HDAC7: variants seen among roughly 807,000 people sequenced by gnomAD.
The protein encoded by HDAC7 is histone deacetylase 7A.
Under a neutral mutation model 115.5 loss-of-function variants are expected in HDAC7, and 26 were observed. The observed-to-expected ratio is 0.23, with a 90% confidence interval of 0.16 to 0.31. The LOEUF is 0.31. Ranked by LOEUF, HDAC7 falls within the 10% of genes least tolerant of loss-of-function variation. HDAC7 has a pLI of 1.00. For missense variants in HDAC7, 1,068 were observed against 1,329.0 expected (o/e 0.80, Z 3.05); for synonymous variants, 564 against 550.9 (o/e 1.02, Z -0.33).
intron 1 of HDAC7, among the ~76,000 whole-genome samples, chr12:47,814,222 G>A (rs1944784434): frequency 6.6e-6 from 1 of 152,168 alleles, no homozygotes; most frequent in Non-Finnish European, 1.5e-5. Context: ...TGCCTCTCCT[G>A]TCCCAGCCTC....
Position 47,783,789 on chromosome 12 carries a change from G to C in HDAC7, c.*52C>G. 1 of 1,580,156 alleles carries C rather than the reference G, an allele frequency of 6.3e-7. No individual in the cohort carries two copies. Among genetic ancestry groups the C allele is most frequent in the Non-Finnish European group, 8.6e-7 (1 of 1,157,092 alleles). ...GAATGGGGGCTATTGCCAGGGGTTA[G>C]AAGAGAACCAGGTCCCAAGGGCATG... On this transcript the variant is annotated 3_prime_UTR_variant, in exon 26 of 26. Coordinates refer to ENST00000080059, the MANE Select transcript of HDAC7 (RefSeq NM_015401.5).
At chr12:47,792,574 C>T (rs966865211) in intron 13 of HDAC7, 13 of 450,768 alleles carry the variant, frequency 2.9e-5, no homozygotes, top group Middle Eastern at 3.3e-4. Flanking sequence ...CTGCTCATTG[C>T]GGGTGGGAGG....
At chr12:47,802,323 A>G (rs539271193) in intron 1 of HDAC7, 49 bp from the exon 2 acceptor site, 1 of 1,592,754 alleles carries the variant, frequency 6.3e-7, no homozygotes, top group South Asian at 1.1e-5. Context: ...GGGTGAGGAG[A>G]GGGAGCAGGA....
At position 47,798,760 on chromosome 12, in the gene HDAC7, C is replaced by T. The variant is rs1441154370; in HGVS notation, c.258+25G>A. ...CTGGGGACCAAGCTCAAGGTGGCCC[C>T]ACATGCAGGGAGCTCCATCTTTACC... On this transcript the variant is annotated intron_variant, in intron 3 of 25. Transcript: ENST00000080059. The surrounding 1 kb of genome is among the most constrained non-coding windows in gnomAD (Gnocchi z 4.3). 6.4e-7 allele frequency: 1 copy of T among 1,555,066 alleles called. No homozygotes were observed. Among genetic ancestry groups the T allele is most frequent in the East Asian group, 2.4e-5 (1 of 41,224 alleles).
chr12:47,819,774 G>A lies in HDAC7; in HGVS notation c.12C>T (p.Pro4=). The change falls in exon 1 of 26, where the codon CCC becomes CCT. Residue 4 remains proline (P), a synonymous_variant. Coordinates refer to ENST00000080059, the MANE Select transcript of HDAC7 (RefSeq NM_015401.5). ...CGGCCGCCCAGTACTCACCAGCGCC[G>A]GGGCTGTGCATCCAGGGGCCGGGGC... is the stretch of plus-strand genomic sequence containing the variant. MHS[P]GADGTQVSPG... The A allele has an allele frequency of 2.4e-6, 2 of 837,806 alleles. No individual in the cohort carries two copies. Among genetic ancestry groups the A allele is most frequent in the Non-Finnish European group, 2.9e-6 (2 of 679,776 alleles). 51.9% of individuals were successfully genotyped at this position (837,806 alleles called of 1,614,324 possible).
At chr12:47,807,653 C>T (rs1323117693) in intron 1 of HDAC7, among the ~76,000 whole-genome samples, 1 of 152,056 alleles carries the variant, frequency 6.6e-6, no homozygotes, top group African/African-American at 2.4e-5. Context: ...AAAAAAATCA[C>T]ACAGCCCCAC....
intron 1 of HDAC7, 174 bp from the exon 2 acceptor site, chr12:47,802,448 C>T: frequency 2.6e-6 from 4 of 1,551,234 alleles, no homozygotes; most frequent in Non-Finnish European, 1.7e-6. Context: ...CATTCGACTC[C>T]TCCAGTCCCC....
intron 1 of HDAC7, among the ~76,000 whole-genome samples, chr12:47,806,436 G>A (rs1191825757): frequency 1.3e-5 from 2 of 152,188 alleles, no homozygotes; most frequent in Non-Finnish European, 1.5e-5. Context: ...CAGAACTTTG[G>A]GGAAGTTCTG....
At chr12:47,805,439 G>A (rs887676499) in intron 1 of HDAC7, among the ~76,000 whole-genome samples, 8 of 152,186 alleles carry the variant, frequency 5.3e-5, no homozygotes, top group African/African-American at 1.9e-4. Flanking sequence ...CAAGAGGAAA[G>A]CAGGCAGTGG....
At chr12:47,814,277 T>G (rs1013823631) in intron 1 of HDAC7, among the ~76,000 whole-genome samples, 7 of 152,190 alleles carry the variant, frequency 4.6e-5, no homozygotes, top group Admixed American at 3.3e-4. Flanking sequence ...ACCCCAGCCT[T>G]CCTTTCTGGT....
In HDAC7 at chr12:47,809,005, T is replaced by C. The variant is rs1056875977; in HGVS notation, c.20-6731A>G. Among the ~76,000 whole-genome samples, 28 of 152,238 alleles carry C rather than the reference T, an allele frequency of 1.8e-4. 1 individual carries two copies. The highest frequency in any genetic ancestry group is 1.8e-3 in the Admixed American group (27 of 15,288). On this transcript the variant is annotated intron_variant, in intron 1 of 25. Coordinates refer to ENST00000080059, the MANE Select transcript of HDAC7 (RefSeq NM_015401.5). ...CCTGAGCAGGCAAGATTTGAGGCCC[T>C]ATCTGTAACATGGGGATAAGTCGGC...
rs531424569 is a variant in HDAC7, at chr12:47,797,548, G to A, written c.462-49C>T. 1.3e-5 allele frequency: 18 copies of A among 1,417,820 alleles called. No homozygotes were observed. Among genetic ancestry groups the A allele is most frequent in the East Asian group, 4.6e-5 (2 of 43,804 alleles). The allele number at this position is 1,417,820 out of a possible 1,614,324, so 87.8% of individuals were successfully genotyped here. ...CTTCAGAGGTGTGGGGACACTGCAC[G>A]GGCACTGCCCTGAGCACGGGCCCTG... On this transcript the variant is annotated intron_variant, in intron 5 of 25. Coordinates refer to ENST00000080059, the MANE Select transcript of HDAC7 (RefSeq NM_015401.5). The surrounding 1 kb of genome is among the most constrained non-coding windows in gnomAD (Gnocchi z 5.5).
In HDAC7 at chr12:47,794,952, G is replaced by A. The variant is rs752710650; in HGVS notation, c.1285-19C>T. The A allele has an allele frequency of 3.7e-6, 6 of 1,603,272 alleles. No individual in the cohort carries two copies. The highest frequency in any genetic ancestry group is 5.1e-6 in the Non-Finnish European group (6 of 1,175,362). ...CTGACCTCTGGGGAGGGGAGAACCT[G>A]GCTGAGAAGCCATGGTGGAGCGAGG... On this transcript the variant is annotated intron_variant, in intron 11 of 25. Coordinates refer to ENST00000080059, the MANE Select transcript of HDAC7 (RefSeq NM_015401.5).
intron 2 of HDAC7, 106 bp downstream of exon 2, chr12:47,802,116 CAG>C: frequency 8.2e-7 from 1 of 1,222,396 alleles, no homozygotes. Context: ...TCTGGCAGAT[CAG>C]CCAGCGACCC....
intron 24 of HDAC7, chr12:47,784,645 A>G (rs534281004): frequency 7.1e-7 from 1 of 1,400,210 alleles, no homozygotes. Flanking sequence ...CCCAGCACTC[A>G]GGAAAGGAGG....
chr12:47,796,286 C>T lies in HDAC7; in HGVS notation c.716G>A (p.Ser239Asn), dbSNP rs746487045. The change falls in exon 8 of 26, where the codon AGT becomes AAT. Residue 239 changes from serine (S) to asparagine (N), a missense_variant. This residue lies in a region of HDAC7 where 618 missense variants were observed against 701.5 expected (regional missense o/e 0.88). Transcript: ENST00000080059. Reference sequence around the variant, plus strand: ...CCCTGATGCGGGCGTGCTGCTACTACTTGGGGAGGAGTCTGAGGGTTGGGG... The same window carrying T: ...CCCTGATGCGGGCGTGCTGCTACTATTTGGGGAGGAGTCTGAGGGTTGGGG... Reference protein sequence around the residue: ...PAETLGDSSPSSSSTPASGCS... With the variant: ...PAETLGDSSPNSSSTPASGCS... The T allele has an allele frequency of 1.9e-6, 3 of 1,599,434 alleles. No individual in the cohort carries two copies. The South Asian group carries it at 3.4e-5, about 18-fold the overall frequency.
chr12:47,785,625 C>T (rs954506194), intron 23 of HDAC7, 127 bp downstream of exon 23: 14 of 1,382,944 alleles, frequency 1.0e-5, no homozygotes, highest in South Asian at 1.4e-5. Flanking sequence ...GCTTCCGCTT[C>T]GCCTACCTTG....
Position 47,795,238 on chromosome 12 carries a change from C to A in HDAC7, c.1230G>T (p.Pro410=). 6.2e-7 allele frequency: 1 copy of A among 1,612,742 alleles called. No individual in the cohort carries two copies. Among genetic ancestry groups the A allele is most frequent in the Non-Finnish European group, 8.5e-7 (1 of 1,179,268 alleles). Residue 410 remains proline, a synonymous_variant, in exon 11 of 26, where the codon CCG becomes CCT. Transcript: ENST00000080059. The surrounding 1 kb of genome is among the most constrained non-coding windows in gnomAD (Gnocchi z 4.3). ...GCTCCAGGCGGGGCTGCATGGGGCC[C>A]GGCGGTGGGGGAGCGGTGGCACTGG... The part of the protein sequence containing the change: ...LPPSATAPPP[P]GPMQPRLEQL...
chr12:47,811,824 C>A (rs1944681007), intron 1 of HDAC7, among the ~76,000 whole-genome samples: 1 of 152,220 alleles, frequency 6.6e-6, no homozygotes, highest in Non-Finnish European at 1.5e-5. Flanking sequence ...GCGTCCTCTG[C>A]CCCTCCTGAG....
Sources: allele counts gnomAD v4.1 joint callset (sites outside exome capture counted in the v4.1 genomes callset), GRCh38; gene constraint gnomAD v4.1.1; regional missense constraint gnomAD v4.1.1; non-coding constraint Gnocchi (gnomAD v3.1); transcripts MANE v1.5; gene names NCBI Gene and HGNC (gene_info 2026-07-23, HGNC 2026-07-21).